The following INTU variants were observed in gnomAD, a reference collection of about 807,000 sequenced individuals.
INTU encodes the protein protein inturned.
Under a neutral mutation model 100.5 loss-of-function variants are expected in INTU, and 68 were observed. The ratio of observed to expected loss-of-function variants is 0.68; its 90% CI spans 0.56 to 0.83. The LOEUF (loss-of-function observed/expected upper bound fraction) is 0.83. Ranked by LOEUF, INTU falls within the 40% of genes least tolerant of loss-of-function variation. The pLI, the probability that INTU is intolerant of heterozygous loss-of-function variation, is 0.00. For synonymous variants in INTU, 357 were observed against 395.7 expected (o/e 0.90, Z 1.16); for missense variants, 1,071 against 1,114.7 (o/e 0.96, Z 0.56).
At position 127,663,328 on chromosome 4, in the gene INTU, T is replaced by C; in HGVS notation, c.769-53T>C. The stretch of plus-strand genomic sequence containing the variant: ...TGCACAGATCCTTCATTGTGAAAAC[T>C]GCAGCTGATTTTCCCTTGTCGAAAA... On this transcript the variant is annotated intron_variant, in intron 3 of 15. Coordinates refer to ENST00000335251, the MANE Select transcript of INTU (RefSeq NM_015693.4). The C allele has an allele frequency of 3.0e-6, 4 of 1,327,576 alleles. No homozygotes were observed. In the East Asian group the frequency reaches 9.7e-5, roughly 32 times the overall value. The allele number at this position is 1,327,576 out of a possible 1,614,324, so 82.2% of individuals were successfully genotyped here.
At chr4:127,694,497 T>C (rs955508395) in intron 8 of INTU, among the ~76,000 whole-genome samples, 4 of 152,280 alleles carry the variant, frequency 2.6e-5, no homozygotes, top group South Asian at 4.1e-4. Flanking sequence ...ATCAATTTTA[T>C]ATATCTTTTC....
intron 2 of INTU, among the ~76,000 whole-genome samples, chr4:127,651,576 A>G (rs1292228458): frequency 1.3e-5 from 2 of 152,172 alleles, no homozygotes; most frequent in African/African-American, 4.8e-5. Flanking sequence ...CCATTGATCT[A>G]TATCTCTGTT....
chr4:127,633,509 C>T (rs1726935481), intron 1 of INTU, among the ~76,000 whole-genome samples: 1 of 152,152 alleles, frequency 6.6e-6, no homozygotes, highest in Non-Finnish European at 1.5e-5. Flanking sequence ...AACTCTGTTT[C>T]GATCGCAGTG....
intron 15 of INTU, among the ~76,000 whole-genome samples, chr4:127,716,061 A>G (rs887235494): frequency 1.3e-5 from 2 of 152,190 alleles, no homozygotes; most frequent in Admixed American, 6.5e-5. Context: ...TAGATTTGCT[A>G]TTTAAAAACT....
chr4:127,718,229 T>C lies in INTU; in HGVS notation c.*1793T>C, dbSNP rs577907428. On this transcript the variant is annotated 3_prime_UTR_variant, in exon 16 of 16. Coordinates refer to ENST00000335251, the MANE Select transcript of INTU (RefSeq NM_015693.4). ...TAGCTAGTTCTCCCAGCACCATTTA[T>C]TAAATAAGGAATCCTTTCCCCATTG... 137 of 152,340 alleles carry C rather than the reference T, an allele frequency of 9.0e-4. 1 individual carries two copies. Among genetic ancestry groups the C allele is most frequent in the African/African-American group, 3.2e-3 (132 of 41,582 alleles). 9.4% of individuals were successfully genotyped at this position (152,340 alleles called of 1,614,324 possible).
intron 1 of INTU, among the ~76,000 whole-genome samples, chr4:127,642,397 A>G (rs764892919): frequency 1.3e-5 from 2 of 152,180 alleles, no homozygotes; most frequent in Non-Finnish European, 2.9e-5. Flanking sequence ...GCCACAGACC[A>G]GGGCAGTGGT....
chr4:127,699,702 C>T (rs1471944830), intron 8 of INTU, among the ~76,000 whole-genome samples: 1 of 152,186 alleles, frequency 6.6e-6, no homozygotes. Flanking sequence ...CATAAATTTA[C>T]TATGCATTGA....
In INTU at chr4:127,687,790, C is replaced by T; in HGVS notation, c.1372C>T (p.Gln458Ter). The T allele has an allele frequency of 6.2e-7, 1 of 1,613,490 alleles. No homozygotes were observed. The highest frequency in any genetic ancestry group is 8.5e-7 in the Non-Finnish European group (1 of 1,179,626). ...TTCCAGCGCCAGTCCCAGTGCTCAG[C>T]AGTACGATGCTTCCAGTGCAGTACT... ...LHSSASPSAQQYDASSAVLLD... is the reference protein window; with the variant it reads ...LHSSASPSAQ The change falls in exon 8 of 16, where the codon CAG becomes TAG. Residue 458 changes from glutamine (Q) to a stop codon, truncating the protein, a stop_gained. Transcript: ENST00000335251. LOFTEE classifies it high-confidence loss of function.
At chr4:127,707,249 G>A (rs751663878) in intron 12 of INTU, among the ~76,000 whole-genome samples, 8 of 151,828 alleles carry the variant, frequency 5.3e-5, no homozygotes, top group Admixed American at 5.3e-4. Flanking sequence ...AGGCACGTTG[G>A]TGCACACCTG....
chr4:127,668,870 T>C (rs1470283133), intron 4 of INTU, among the ~76,000 whole-genome samples, 166 bp from the exon 5 acceptor site: 3 of 151,918 alleles, frequency 2.0e-5, no homozygotes, highest in African/African-American at 7.2e-5. Flanking sequence ...TGCTAGTTAA[T>C]GTGTTAAAAT....
At chr4:127,699,345 A>G (rs1279469919) in intron 8 of INTU, 1 of 152,216 alleles carries the variant, frequency 6.6e-6, no homozygotes, top group Non-Finnish European at 1.5e-5. Flanking sequence ...AGTTCAGGCA[A>G]TTTCCATAGA....
At chr4:127,637,909 T>C (rs965667519) in intron 1 of INTU, among the ~76,000 whole-genome samples, 1 of 152,210 alleles carries the variant, frequency 6.6e-6, no homozygotes, top group Admixed American at 6.5e-5. Context: ...TGAACAGTTA[T>C]GCATTTATTG....
chr4:127,635,271 C>A (rs774525589), intron 1 of INTU, among the ~76,000 whole-genome samples: 21 of 151,986 alleles, frequency 1.4e-4, no homozygotes, highest in Non-Finnish European at 2.8e-4. Flanking sequence ...TATATTGCTG[C>A]AGTATGTCTT....
intron 8 of INTU, among the ~76,000 whole-genome samples, chr4:127,688,973 T>TTTTCTTTTCTTTCTTTCA (rs1434935355): frequency 2.2e-5 from 1 of 46,408 alleles, no homozygotes; most frequent in South Asian, 9.4e-4. Flanking sequence ...CTTTCTTTCT[T>TTTTCTTTTCTTTCTTTCA]TTTTTTTTTT....
intron 1 of INTU, among the ~76,000 whole-genome samples, chr4:127,639,045 C>T (rs1473167319): frequency 6.6e-6 from 1 of 152,054 alleles, no homozygotes; most frequent in Non-Finnish European, 1.5e-5. Context: ...TACAGACTTC[C>T]CATAAATCCT....
intron 8 of INTU, among the ~76,000 whole-genome samples, chr4:127,691,962 G>GTGTATGTA: frequency 1.0e-5 from 1 of 98,230 alleles, no homozygotes; most frequent in Admixed American, 1.0e-4. Context: ...TCCATGGTAT[G>GTGTATGTA]TATATATATA....
chr4:127,636,909 A>T (rs1445512979), intron 1 of INTU, among the ~76,000 whole-genome samples: 1 of 152,206 alleles, frequency 6.6e-6, no homozygotes, highest in Non-Finnish European at 1.5e-5. Context: ...AATACAGATT[A>T]AAAAGGCACA....
chr4:127,675,071 C>A (rs1219374771), intron 6 of INTU, among the ~76,000 whole-genome samples: 1 of 152,184 alleles, frequency 6.6e-6, no homozygotes, highest in Non-Finnish European at 1.5e-5. Context: ...ATAGACTTAA[C>A]TACTATTATA....
intron 1 of INTU, among the ~76,000 whole-genome samples, chr4:127,636,072 C>T (rs1312956632): frequency 6.6e-6 from 1 of 151,832 alleles, no homozygotes; most frequent in Non-Finnish European, 1.5e-5. Flanking sequence ...CAGAAACCAG[C>T]CTCGGAAACA....
Sources: allele counts gnomAD v4.1 joint callset (sites outside exome capture counted in the v4.1 genomes callset), GRCh38; gene constraint gnomAD v4.1.1; transcripts MANE v1.5; gene names NCBI Gene and HGNC (gene_info 2026-07-23, HGNC 2026-07-21).